The following FCHSD2 variants were observed in gnomAD, a reference collection of about 807,000 sequenced individuals.
FCHSD2 encodes FCH and double SH3 domains 2.
In FCHSD2, 38 loss-of-function variants were observed where a neutral mutation model predicts 108.1. The observed-to-expected ratio is 0.35, with a 90% CI of 0.27 to 0.46. The LOEUF is 0.46. Among genes scored for constraint, FCHSD2 ranks in the 20% least tolerant of loss-of-function variants. The pLI is 1.00. For missense variants in FCHSD2, 751 were observed against 897.8 expected (o/e 0.84, Z 2.09); for synonymous variants, 279 against 314.7 (o/e 0.89, Z 1.20).
chr11:72,999,169 T>C (rs1207696269), intron 5 of FCHSD2, among the ~76,000 whole-genome samples: 1 of 152,168 alleles, frequency 6.6e-6, no homozygotes, highest in Non-Finnish European at 1.5e-5. Context: ...GGAGGTTTCT[T>C]TCATTTGCTA....
intron 6 of FCHSD2, among the ~76,000 whole-genome samples, chr11:72,986,836 C>A (rs1476060242): frequency 1.3e-5 from 2 of 152,148 alleles, no homozygotes; most frequent in South Asian, 2.1e-4. Flanking sequence ...AGGATTTTTA[C>A]ACCCAAACAC....
chr11:72,949,361 A>G (rs961131831), intron 8 of FCHSD2, among the ~76,000 whole-genome samples: 1 of 152,116 alleles, frequency 6.6e-6, no homozygotes, highest in Non-Finnish European at 1.5e-5. Context: ...GAGACAGGAG[A>G]ATCACTTGAA....
intron 10 of FCHSD2, chr11:72,900,154 C>T: frequency 1.4e-6 from 1 of 698,026 alleles, no homozygotes; most frequent in Non-Finnish European, 2.4e-6. Context: ...GCCTCTTATA[C>T]ATGTATATAC....
chr11:73,066,078 G>A (rs964106595), intron 3 of FCHSD2, among the ~76,000 whole-genome samples: 15 of 152,170 alleles, frequency 9.9e-5, no homozygotes, highest in Non-Finnish European at 1.9e-4. Context: ...CAAAGCTGGA[G>A]GCATCACGCT....
Position 72,910,141 on chromosome 11 carries a change from C to T in FCHSD2, c.829-7503G>A, listed in dbSNP as rs559259050. On this transcript the variant is annotated intron_variant, in intron 9 of 19. Transcript: ENST00000409418. ...CTGGGAAGTGAGGAGCACCTCTGCC[C>T]GGCTGCCCCATCTGGGAAGTGAGGA... Among the ~76,000 whole-genome samples, 10 of 148,324 alleles carry T rather than the reference C, an allele frequency of 6.7e-5. No individual in the cohort carries two copies. The East Asian group carries it at 8.1e-4, about 12-fold the overall frequency.
intron 3 of FCHSD2, among the ~76,000 whole-genome samples, chr11:73,046,663 G>T (rs1452968979): frequency 1.3e-5 from 2 of 152,080 alleles, no homozygotes; most frequent in African/African-American, 4.8e-5. Context: ...CGCTTACAAG[G>T]AAGCCATTTT....
intron 6 of FCHSD2, among the ~76,000 whole-genome samples, chr11:72,988,329 G>A (rs1324710041): frequency 2.6e-5 from 4 of 152,048 alleles, no homozygotes; most frequent in Admixed American, 6.5e-5. Flanking sequence ...CTATTATATT[G>A]CTTGCTTTAT....
chr11:72,954,815 A>C (rs1188893460), intron 8 of FCHSD2, among the ~76,000 whole-genome samples: 2 of 152,168 alleles, frequency 1.3e-5, no homozygotes, highest in African/African-American at 4.8e-5. Flanking sequence ...GAAGGCTACA[A>C]AGAATCTTGA....
intron 8 of FCHSD2, among the ~76,000 whole-genome samples, chr11:72,940,298 C>G (rs879602821): frequency 2.0e-5 from 3 of 152,030 alleles, no homozygotes; most frequent in Admixed American, 6.6e-5. Flanking sequence ...ACTGAAGGGC[C>G]TTTTACAAAG....
intron 8 of FCHSD2, among the ~76,000 whole-genome samples, chr11:72,970,400 A>G (rs951532168): frequency 3.9e-5 from 6 of 152,262 alleles, no homozygotes; most frequent in African/African-American, 1.4e-4. Context: ...TAATGGAAAA[A>G]TATCATGTGT....
rs773555598 is a variant in FCHSD2, at chr11:73,015,902, A to AT, written c.166-18dup. ...CTGCATACCCTGTTAAAAAATACAT[A>AT]TTTTTTCTAAAATAAATATTATGCC... On this transcript the variant is annotated splice_polypyrimidine_tract_variant and intron_variant, in intron 3 of 19. Transcript: ENST00000409418. 15 of 1,434,018 alleles carry AT rather than the reference A, an allele frequency of 1.0e-5. No individual in the cohort carries two copies. The Middle Eastern group carries it at 7.1e-4, about 68-fold the overall frequency. The allele number at this position is 1,434,018 out of a possible 1,614,324, so 88.8% of individuals were successfully genotyped here.
At chr11:73,053,677 T>C (rs1858955685) in intron 3 of FCHSD2, among the ~76,000 whole-genome samples, 1 of 152,218 alleles carries the variant, frequency 6.6e-6, no homozygotes, top group South Asian at 2.1e-4. Context: ...TATCCATATA[T>C]ACAATGTTTG....
chr11:73,002,597 TA>T (rs111970625), intron 4 of FCHSD2, among the ~76,000 whole-genome samples: 2,072 of 151,842 alleles, frequency 0.014, 48 homozygotes, highest in African/African-American at 0.046. Context: ...TTTAAAATAA[TA>T]AAAAAAATGA....
At chr11:72,951,481 C>G (rs144393014) in intron 8 of FCHSD2, among the ~76,000 whole-genome samples, 32 of 152,316 alleles carry the variant, frequency 2.1e-4, no homozygotes, top group African/African-American at 7.2e-4. Context: ...TACTACAAGG[C>G]TTGGCATTTA....
intron 9 of FCHSD2, among the ~76,000 whole-genome samples, chr11:72,920,771 T>C (rs1855962852): frequency 6.6e-6 from 1 of 152,194 alleles, no homozygotes; most frequent in African/African-American, 2.4e-5. Context: ...TCAATTAATG[T>C]TTTACTACAT....
intron 8 of FCHSD2, among the ~76,000 whole-genome samples, chr11:72,937,362 G>A (rs1038652545): frequency 2.0e-5 from 3 of 152,268 alleles, no homozygotes; most frequent in Non-Finnish European, 2.9e-5. Flanking sequence ...TCTTTTGTGT[G>A]CATTTTTGAC....
intron 12 of FCHSD2, among the ~76,000 whole-genome samples, chr11:72,868,739 C>T (rs765054157): frequency 1.5e-4 from 23 of 151,444 alleles, no homozygotes; most frequent in Non-Finnish European, 2.8e-4. Context: ...ACTATATAAC[C>T]GTCATGAAAG....
intron 2 of FCHSD2, among the ~76,000 whole-genome samples, chr11:73,098,892 G>A (rs1444086512): frequency 3.9e-5 from 6 of 152,200 alleles, no homozygotes; most frequent in South Asian, 2.1e-4. Flanking sequence ...CACAAACAAC[G>A]AAGAAAAAAC....
chr11:72,924,846 G>A (rs1415192506), intron 8 of FCHSD2, among the ~76,000 whole-genome samples: 1 of 152,042 alleles, frequency 6.6e-6, no homozygotes, highest in African/African-American at 2.4e-5. Flanking sequence ...AACATAACCA[G>A]AGACACTGCT....
Sources: gnomAD v4.1 joint callset for allele counts (sites outside exome capture counted in the v4.1 genomes callset) on GRCh38, gnomAD v4.1.1 for gene constraint, MANE v1.5 for transcripts, NCBI Gene and HGNC (gene_info 2026-07-23, HGNC 2026-07-21) for gene names.